Variants in RAPGEF2 observed in about 807,000 individuals in gnomAD.
RAPGEF2 encodes Rap guanine nucleotide exchange factor 2.
Under a neutral mutation model 186.7 loss-of-function variants are expected in RAPGEF2, and 54 were observed. The ratio of observed to expected loss-of-function variants is 0.29; its 90% confidence interval spans 0.23 to 0.36. The LOEUF is 0.36. RAPGEF2 is among the 10% of genes least tolerant of loss of function. The probability of loss-of-function intolerance (pLI) is 1.00; values close to 1 mark genes in which losing one functional copy is unlikely to be tolerated. For synonymous variants in RAPGEF2, 712 were observed against 705.9 expected (o/e 1.01, Z -0.14); for missense variants, 1,532 against 2,045.0 (o/e 0.75, Z 4.84).
chr4:159,175,879 C>G (rs1282286301), intron 1 of RAPGEF2, among the ~76,000 whole-genome samples: 1 of 152,212 alleles, frequency 6.6e-6, no homozygotes, highest in Admixed American at 6.5e-5. Context: ...TTGCCCTTTT[C>G]TTTCTTTGCA....
intron 1 of RAPGEF2, among the ~76,000 whole-genome samples, chr4:159,161,943 C>G (rs779830554): frequency 3.9e-5 from 6 of 152,110 alleles, no homozygotes; most frequent in Non-Finnish European, 7.4e-5. Flanking sequence ...CAAATCTATT[C>G]TAAACTTTTA....
chr4:159,253,983 G>A (rs1238066300), intron 7 of RAPGEF2, among the ~76,000 whole-genome samples: 1 of 152,182 alleles, frequency 6.6e-6, no homozygotes, highest in Non-Finnish European at 1.5e-5. Context: ...AAAGGTGCCA[G>A]TTCACTTACG....
intron 1 of RAPGEF2, among the ~76,000 whole-genome samples, chr4:159,172,111 A>G (rs1466911186): frequency 2.6e-5 from 4 of 152,206 alleles, no homozygotes; most frequent in African/African-American, 9.6e-5. Context: ...ATCTCAACTC[A>G]TTGTCCTTAA....
At chr4:159,296,414 A>G (rs893454369) in intron 7 of RAPGEF2, among the ~76,000 whole-genome samples, 1 of 152,216 alleles carries the variant, frequency 6.6e-6, no homozygotes, top group African/African-American at 2.4e-5. Flanking sequence ...TTTGATCTAA[A>G]TAGCCATTTG....
chr4:159,322,741 A>G (rs2111156646), intron 10 of RAPGEF2, among the ~76,000 whole-genome samples: 1 of 152,312 alleles, frequency 6.6e-6, no homozygotes, highest in East Asian at 1.9e-4. Flanking sequence ...AGGCCTCAGA[A>G]TCATGGCAGG....
intron 7 of RAPGEF2, among the ~76,000 whole-genome samples, chr4:159,284,756 T>C (rs1467634605): frequency 6.6e-6 from 1 of 152,190 alleles, no homozygotes; most frequent in Non-Finnish European, 1.5e-5. Flanking sequence ...CATCTTTCCT[T>C]AACTTACTCT....
chr4:159,191,180 T>C (rs1035322103), intron 2 of RAPGEF2, among the ~76,000 whole-genome samples: 2 of 148,036 alleles, frequency 1.4e-5, no homozygotes, highest in African/African-American at 5.0e-5. Flanking sequence ...GAGGATGAAG[T>C]TGGGGAGCAT....
At chr4:159,288,626 C>CA (rs1760799537) in intron 7 of RAPGEF2, among the ~76,000 whole-genome samples, 1 of 152,132 alleles carries the variant, frequency 6.6e-6, no homozygotes, top group Non-Finnish European at 1.5e-5. Context: ...ATTGCACTTA[C>CA]AGAGCCTACT....
In RAPGEF2 at chr4:159,108,383, CTTTTTTTTTTT is replaced by C. The variant is rs35882271; in HGVS notation, c.69+4165_69+4175del. 5.6e-5 allele frequency among the ~76,000 whole-genome samples: 6 copies of C among 107,888 alleles called. No homozygotes were observed. The South Asian group carries it at 1.6e-3, about 29-fold the overall frequency. The allele number at this position is 107,888 out of a possible 152,430, so 70.8% of individuals were successfully genotyped here. A position where few individuals can be genotyped will look rare whatever the true frequency, so the allele number is the denominator to read the frequency against. ...AAATGCTGGAATTTCACAGAACTTT[CTTTTTTTTTTT>C]TTTTTTTTTTTTAAGGAGAAGATGA... On this transcript the variant is annotated intron_variant, in intron 1 of 29. Transcript: ENST00000691494.
intron 4 of RAPGEF2, among the ~76,000 whole-genome samples, chr4:159,223,653 A>AT (rs757505227): frequency 7.9e-5 from 12 of 152,198 alleles, no homozygotes; most frequent in Non-Finnish European, 1.8e-4. Context: ...AATCAGATAC[A>AT]TTTTAGGATG....
chr4:159,234,549 ATTTT>A (rs10588096), intron 4 of RAPGEF2, among the ~76,000 whole-genome samples: 30,416 of 107,754 alleles, frequency 0.28, 4,165 homozygotes, highest in Non-Finnish European at 0.37. Flanking sequence ...TGCCCGGCTA[ATTTT>A]TTTTTTTTTT....
chr4:159,204,753 G>A (rs1749795841), intron 3 of RAPGEF2, among the ~76,000 whole-genome samples: 1 of 152,142 alleles, frequency 6.6e-6, no homozygotes, highest in Non-Finnish European at 1.5e-5. Context: ...GTTGTCCATT[G>A]TGGTTCCTAG....
chr4:159,186,836 A>G lies in RAPGEF2; in HGVS notation c.140+124A>G, dbSNP rs78271660. On this transcript the variant is annotated intron_variant, in intron 2 of 29. Transcript: ENST00000691494. ...TAATAATTGTACATATTCGTGGGGT[A>G]CATTCTGATATTTTAATACATGTAT... The G allele has an allele frequency of 3.2e-3, 1,709 of 532,318 alleles. 18 individuals carry two copies. Among genetic ancestry groups the G allele is most frequent in the African/African-American group, 0.031 (1,579 of 51,004 alleles). 33.0% of individuals were successfully genotyped at this position (532,318 alleles called of 1,614,324 possible).
At chr4:159,321,846 G>T (rs1765275607) in intron 9 of RAPGEF2, among the ~76,000 whole-genome samples, 1 of 151,818 alleles carries the variant, frequency 6.6e-6, no homozygotes, top group African/African-American at 2.4e-5. Context: ...ATCATATCAT[G>T]TCGTTAATTT....
Position 159,293,483 on chromosome 4 carries a change from A to G in RAPGEF2, c.544-10859A>G, listed in dbSNP as rs117027805. ...GTTTGACTAGTTAATTGAAGAGTAA[A>G]TGAACTGTCGTGTTTATTTTATCCA... On this transcript the variant is annotated intron_variant, in intron 7 of 29. Coordinates refer to ENST00000691494, the MANE Select transcript of RAPGEF2 (RefSeq NM_001394067.2). 1.9e-3 allele frequency among the ~76,000 whole-genome samples: 288 copies of G among 152,326 alleles called. 9 individuals are homozygous for G. The East Asian group carries it at 0.045, about 24-fold the overall frequency.
chr4:159,176,658 A>G (rs925719961), intron 1 of RAPGEF2, among the ~76,000 whole-genome samples: 1 of 152,226 alleles, frequency 6.6e-6, no homozygotes, highest in African/African-American at 2.4e-5. Context: ...CACAGATGAA[A>G]AAATATCCAA....
intron 7 of RAPGEF2, among the ~76,000 whole-genome samples, chr4:159,251,312 G>A (rs1755352152): frequency 6.6e-6 from 1 of 152,266 alleles, no homozygotes; most frequent in South Asian, 2.1e-4. Context: ...GGGCTGAGGA[G>A]TGCAGTGTGG....
At chr4:159,145,853 T>G (rs568785445) in intron 1 of RAPGEF2, among the ~76,000 whole-genome samples, 1 of 152,258 alleles carries the variant, frequency 6.6e-6, no homozygotes, top group African/African-American at 2.4e-5. Flanking sequence ...GGTGCATGGC[T>G]TGAGCAAAGA....
intron 1 of RAPGEF2, among the ~76,000 whole-genome samples, chr4:159,174,575 G>A (rs990532410): frequency 1.3e-5 from 2 of 152,094 alleles, no homozygotes; most frequent in Non-Finnish European, 2.9e-5. Context: ...TTTAGGAATT[G>A]TTCAAAAACT....
Sources: gnomAD v4.1 joint callset for allele counts (sites outside exome capture counted in the v4.1 genomes callset) on GRCh38, gnomAD v4.1.1 for gene constraint, MANE v1.5 for transcripts, NCBI Gene and HGNC (gene_info 2026-07-23, HGNC 2026-07-21) for gene names.